The following LRFN5 variants were observed in gnomAD, a reference collection of about 807,000 sequenced individuals.
LRFN5 encodes leucine rich repeat and fibronectin type III domain containing 5.
Under a neutral mutation model 45.6 loss-of-function variants are expected in LRFN5, and 24 were observed. The observed-to-expected ratio is 0.53, with a 90% confidence interval of 0.38 to 0.74. The LOEUF is 0.74. Among genes scored for constraint, LRFN5 ranks in the 30% least tolerant of loss-of-function variants. LRFN5 has a pLI of 0.00. For missense variants in LRFN5, 776 were observed against 861.5 expected (o/e 0.90, Z 1.24); for synonymous variants, 340 against 313.8 (o/e 1.08, Z -0.88).
intron 1 of LRFN5, among the ~76,000 whole-genome samples, chr14:41,696,635 G>T (rs1466460948): frequency 6.6e-6 from 1 of 150,708 alleles, no homozygotes; most frequent in African/African-American, 2.4e-5. Flanking sequence ...AGTTTTTGGG[G>T]GACCTCCATA....
chr14:41,861,350 A>G (rs1889652450), intron 2 of LRFN5, among the ~76,000 whole-genome samples: 1 of 152,188 alleles, frequency 6.6e-6, no homozygotes, highest in Admixed American at 6.5e-5. Flanking sequence ...CTATTACTAT[A>G]AAGAAGACCA....
rs563489082 is a variant in LRFN5, at chr14:41,829,137, T to A, written c.-20-57469T>A. On this transcript the variant is annotated intron_variant, in intron 2 of 5. Transcript: ENST00000298119. ...ATCCTAGAGTACACTGCTTCTTCTT[T>A]ATATGTCATTTGCATAATTACATGT... 5.9e-5 allele frequency among the ~76,000 whole-genome samples: 9 copies of A among 152,104 alleles called. No individual in the cohort carries two copies. In the East Asian group the frequency reaches 1.7e-3, roughly 29 times the overall value.
At chr14:41,719,703 A>G (rs907522011) in intron 1 of LRFN5, among the ~76,000 whole-genome samples, 1 of 151,776 alleles carries the variant, frequency 6.6e-6, no homozygotes, top group African/African-American at 2.4e-5. Flanking sequence ...CAAAATTTTG[A>G]TAGATTTTGA....
intron 2 of LRFN5, among the ~76,000 whole-genome samples, chr14:41,795,741 A>G (rs1394635065): frequency 1.3e-5 from 2 of 151,738 alleles, no homozygotes; most frequent in Non-Finnish European, 2.9e-5. Context: ...ACACTTGGAC[A>G]CAGAGTGGGG....
intron 3 of LRFN5, among the ~76,000 whole-genome samples, chr14:41,890,963 A>T (rs1045733964): frequency 6.6e-6 from 1 of 151,942 alleles, no homozygotes; most frequent in African/African-American, 2.4e-5. Flanking sequence ...ATTTGTCATC[A>T]ATGTTTTTTT....
At chr14:41,722,335 G>C (rs768542210) in intron 1 of LRFN5, among the ~76,000 whole-genome samples, 1 of 151,988 alleles carries the variant, frequency 6.6e-6, no homozygotes, top group Non-Finnish European at 1.5e-5. Context: ...TGCAATCCAT[G>C]CTTTTGAATT....
intron 1 of LRFN5, among the ~76,000 whole-genome samples, chr14:41,738,451 C>G (rs1402671181): frequency 6.6e-6 from 1 of 152,150 alleles, no homozygotes; most frequent in Non-Finnish European, 1.5e-5. Context: ...GACTTCATGA[C>G]TAAAACACCA....
At chr14:41,855,541 C>T (rs1049896201) in intron 2 of LRFN5, among the ~76,000 whole-genome samples, 1 of 152,062 alleles carries the variant, frequency 6.6e-6, no homozygotes, top group South Asian at 2.1e-4. Context: ...ACAAGAATGT[C>T]GTAGGTACTG....
At chr14:41,654,578 A>T (rs556105542) in intron 1 of LRFN5, among the ~76,000 whole-genome samples, 1 of 152,158 alleles carries the variant, frequency 6.6e-6, no homozygotes, top group South Asian at 2.1e-4. Flanking sequence ...TCAGTAAAAA[A>T]CATTCCATGA....
intron 1 of LRFN5, among the ~76,000 whole-genome samples, chr14:41,677,194 A>G (rs1051015070): frequency 1.3e-5 from 2 of 152,222 alleles, no homozygotes; most frequent in African/African-American, 4.8e-5. Flanking sequence ...AAGGAAATAG[A>G]CTTTGAGAAT....
chr14:41,654,211 AAGAAAAGT>A (rs2138625457), intron 1 of LRFN5, among the ~76,000 whole-genome samples: 1 of 152,226 alleles, frequency 6.6e-6, no homozygotes, highest in East Asian at 1.9e-4. Flanking sequence ...AATAAAAAAA[AAGAAAAGT>A]AGAACCAGTT....
chr14:41,800,898 A>G (rs1433275003), intron 2 of LRFN5, among the ~76,000 whole-genome samples: 2 of 152,012 alleles, frequency 1.3e-5, no homozygotes, highest in African/African-American at 4.8e-5. Context: ...AGGGCCATCA[A>G]GAAAAATATG....
At chr14:41,711,967 C>A (rs1374227263) in intron 1 of LRFN5, among the ~76,000 whole-genome samples, 1 of 152,050 alleles carries the variant, frequency 6.6e-6, no homozygotes, top group Non-Finnish European at 1.5e-5. Flanking sequence ...AGGAAAAGAG[C>A]TAAATGACAC....
intron 1 of LRFN5, among the ~76,000 whole-genome samples, chr14:41,709,022 C>A (rs1352696097): frequency 6.6e-6 from 1 of 151,816 alleles, no homozygotes; most frequent in Admixed American, 6.6e-5. Context: ...TGGTGATATT[C>A]TAGGTTTATT....
intron 1 of LRFN5, among the ~76,000 whole-genome samples, chr14:41,618,951 T>G (rs1457923471): frequency 1.3e-5 from 2 of 152,170 alleles, no homozygotes; most frequent in African/African-American, 4.8e-5. Flanking sequence ...TCCTAACATG[T>G]GCATGATAAG....
chr14:41,857,564 A>C (rs935530849), intron 2 of LRFN5, among the ~76,000 whole-genome samples: 5 of 152,136 alleles, frequency 3.3e-5, no homozygotes, highest in Admixed American at 2.6e-4. Flanking sequence ...ACTGCGTGCA[A>C]CTCATCGTTT....
chr14:41,735,359 C>T (rs1884379390), intron 1 of LRFN5, among the ~76,000 whole-genome samples: 1 of 152,114 alleles, frequency 6.6e-6, no homozygotes, highest in Admixed American at 6.6e-5. Flanking sequence ...CCTCAAACTC[C>T]TGGGCTCAAG....
chr14:41,783,854 T>C (rs1026846660), intron 2 of LRFN5, among the ~76,000 whole-genome samples: 9 of 152,168 alleles, frequency 5.9e-5, no homozygotes, highest in Middle Eastern at 6.3e-3. Context: ...TTTTGATTAA[T>C]AGAGGTTCTT....
intron 1 of LRFN5, among the ~76,000 whole-genome samples, chr14:41,626,621 A>C (rs1428279074): frequency 6.6e-6 from 1 of 152,030 alleles, no homozygotes; most frequent in Non-Finnish European, 1.5e-5. Context: ...ATGTTTATGG[A>C]GACAGGAATG....
Sources: allele counts gnomAD v4.1 joint callset (sites outside exome capture counted in the v4.1 genomes callset), GRCh38; gene constraint gnomAD v4.1.1; transcripts MANE v1.5; gene names NCBI Gene and HGNC (gene_info 2026-07-23, HGNC 2026-07-21).